The following IMMP2L variants were observed in gnomAD, a reference collection of about 807,000 sequenced individuals.
The protein encoded by IMMP2L is mitochondrial inner membrane protease subunit 2.
Under a neutral mutation model 19.3 loss-of-function variants are expected in IMMP2L, and 18 were observed. That is an observed-to-expected ratio of 0.93 (90% CI 0.64 to 1.38). IMMP2L has a LOEUF of 1.38. Ranked by LOEUF, IMMP2L falls within the 40% of genes most tolerant of loss-of-function variation. IMMP2L has a pLI of 0.00. For missense variants in IMMP2L, 233 were observed against 218.2 expected (o/e 1.07, Z -0.43); for synonymous variants, 76 against 73.0 (o/e 1.04, Z -0.21).
At chr7:111,519,250 A>G (rs1846135407) in intron 2 of IMMP2L, among the ~76,000 whole-genome samples, 1 of 152,144 alleles carries the variant, frequency 6.6e-6, no homozygotes, top group Non-Finnish European at 1.5e-5. Flanking sequence ...AGATGCAGAG[A>G]AGAACTTAAA....
intron 3 of IMMP2L, among the ~76,000 whole-genome samples, chr7:111,016,536 ATAT>A (rs1283381487): frequency 2.5e-5 from 3 of 120,888 alleles, no homozygotes; most frequent in Non-Finnish European, 4.8e-5. Context: ...TATATATTAT[ATAT>A]TATAATATAT....
chr7:111,087,566 A>G (rs1471542329), intron 3 of IMMP2L, among the ~76,000 whole-genome samples: 2 of 152,040 alleles, frequency 1.3e-5, no homozygotes, highest in African/African-American at 2.4e-5. Flanking sequence ...GTTAATATAT[A>G]TAAAATATAC....
At chr7:111,531,797 C>T (rs962862911) in intron 1 of IMMP2L, among the ~76,000 whole-genome samples, 3 of 151,920 alleles carry the variant, frequency 2.0e-5, no homozygotes, top group African/African-American at 7.3e-5. Flanking sequence ...TATCCATAAC[C>T]CAAGCAAAGC....
chr7:111,125,429 CTAAA>C lies in IMMP2L; in HGVS notation c.240-161868_240-161865del, dbSNP rs1164279619. On this transcript the variant is annotated intron_variant, in intron 3 of 5. Coordinates refer to ENST00000405709, the MANE Select transcript of IMMP2L (RefSeq NM_032549.4). ...CAATTGCTTCTGTCTTGTTTTGTTT[CTAAA>C]TAAAGAATAATTTCTGGGAAATATC... 1.8e-5 allele frequency: 3 copies of C among 167,030 alleles called. No homozygotes were observed. In the East Asian group the frequency reaches 5.8e-4, roughly 32 times the overall value. 10.3% of individuals were successfully genotyped at this position (167,030 alleles called of 1,614,324 possible).
At chr7:111,293,824 T>C (rs1046194334) in intron 3 of IMMP2L, among the ~76,000 whole-genome samples, 3 of 151,830 alleles carry the variant, frequency 2.0e-5, no homozygotes, top group African/African-American at 4.8e-5. Flanking sequence ...AATTGAAGCT[T>C]AGAGAAGGTA....
intron 3 of IMMP2L, among the ~76,000 whole-genome samples, chr7:111,003,647 G>A (rs1823968733): frequency 6.6e-6 from 1 of 151,844 alleles, no homozygotes; most frequent in Non-Finnish European, 1.5e-5. Context: ...GGGTGGCTGG[G>A]ACTACAGTTG....
chr7:111,032,473 A>G (rs578036401), intron 3 of IMMP2L, among the ~76,000 whole-genome samples: 5 of 152,294 alleles, frequency 3.3e-5, no homozygotes, highest in African/African-American at 9.6e-5. Flanking sequence ...CTTATATCCA[A>G]AATATAAAAA....
At chr7:110,905,027 C>T (rs1812304688) in intron 4 of IMMP2L, among the ~76,000 whole-genome samples, 1 of 152,094 alleles carries the variant, frequency 6.6e-6, no homozygotes, top group Non-Finnish European at 1.5e-5. Flanking sequence ...ACTATGGAAA[C>T]CTCTACAATC....
chr7:110,721,566 C>A (rs549563855), intron 5 of IMMP2L, among the ~76,000 whole-genome samples: 3 of 151,890 alleles, frequency 2.0e-5, no homozygotes, highest in East Asian at 1.9e-4. Context: ...AACAAAAAAA[C>A]ACACAAACAA....
chr7:111,358,979 T>C (rs535018258), intron 3 of IMMP2L, among the ~76,000 whole-genome samples: 8 of 152,266 alleles, frequency 5.3e-5, no homozygotes, highest in African/African-American at 1.9e-4. Context: ...TGTTCTTTCA[T>C]GCACGCTAAG....
chr7:110,912,467 T>C (rs139639023), intron 4 of IMMP2L, among the ~76,000 whole-genome samples: 8 of 151,844 alleles, frequency 5.3e-5, no homozygotes, highest in Admixed American at 2.0e-4. Context: ...AGACTGGAAA[T>C]AACACATTAA....
intron 3 of IMMP2L, chr7:111,394,891 G>T: frequency 4.3e-6 from 1 of 234,528 alleles, no homozygotes; most frequent in South Asian, 7.8e-5. Context: ...CAGGCTACTC[G>T]ACATGCAGAA....
At chr7:110,911,477 AT>A (rs1164578061) in intron 4 of IMMP2L, among the ~76,000 whole-genome samples, 8 of 152,194 alleles carry the variant, frequency 5.3e-5, no homozygotes, top group Non-Finnish European at 1.5e-5. Context: ...AAACAGAAGA[AT>A]AAATAATAAA....
chr7:110,703,455 G>A (rs1794429079), intron 5 of IMMP2L, among the ~76,000 whole-genome samples: 1 of 152,078 alleles, frequency 6.6e-6, no homozygotes, highest in African/African-American at 2.4e-5. Flanking sequence ...TATCAAATGA[G>A]TTAGGGAGTT....
chr7:111,446,872 G>A (rs1195492463), intron 3 of IMMP2L, among the ~76,000 whole-genome samples: 1 of 151,094 alleles, frequency 6.6e-6, no homozygotes, highest in Admixed American at 6.6e-5. Context: ...AGGAGCTGAT[G>A]GAGCTGAAAA....
At chr7:111,211,287 G>C (rs1811281888) in intron 3 of IMMP2L, among the ~76,000 whole-genome samples, 1 of 152,114 alleles carries the variant, frequency 6.6e-6, no homozygotes, top group Non-Finnish European at 1.5e-5. Flanking sequence ...TGAATAGCTG[G>C]GAGGAAATGA....
chr7:111,397,463 T>C (rs1185822514), intron 3 of IMMP2L, among the ~76,000 whole-genome samples: 1 of 152,140 alleles, frequency 6.6e-6, no homozygotes, highest in East Asian at 1.9e-4. Context: ...GGAAAAAAAT[T>C]CTAAAAGTTG....
At chr7:111,466,485 A>AT in intron 3 of IMMP2L, among the ~76,000 whole-genome samples, 1 of 152,306 alleles carries the variant, frequency 6.6e-6, no homozygotes, top group Non-Finnish European at 1.5e-5. Context: ...AAACTTATTT[A>AT]AAAAATTCCC....
chr7:111,222,243 TA>T (rs935569518), intron 3 of IMMP2L, among the ~76,000 whole-genome samples: 4 of 151,832 alleles, frequency 2.6e-5, no homozygotes, highest in African/African-American at 9.7e-5. Flanking sequence ...ATGTGAAAAG[TA>T]AAATATAGAA....
Sources: allele counts gnomAD v4.1 joint callset (sites outside exome capture counted in the v4.1 genomes callset), GRCh38; gene constraint gnomAD v4.1.1; transcripts MANE v1.5; gene names NCBI Gene and HGNC (gene_info 2026-07-23, HGNC 2026-07-21).